Variants in SRRM2 observed in about 807,000 individuals in gnomAD.
SRRM2 encodes the protein serine/arginine repetitive matrix 2, also known as serine/arginine repetitive matrix protein 2.
In SRRM2, 30 loss-of-function variants were observed where a neutral mutation model predicts 213.8. The observed-to-expected ratio is 0.14, with a 90% CI of 0.10 to 0.19. The LOEUF (loss-of-function observed/expected upper bound fraction) is 0.19. Among genes scored for constraint, SRRM2 ranks in the 10% least tolerant of loss-of-function variants. The pLI is 1.00. For synonymous variants in SRRM2, 2,025 were observed against 1,377.7 expected, an observed-to-expected ratio of 1.47 and a Z score of -10.40; for missense variants, 4,904 against 3,647.0, an observed-to-expected ratio of 1.34 and a Z score of -8.88.
Position 2,769,013 on chromosome 16 carries a change from C to G in SRRM2, c.7750C>G (p.Pro2584Ala), listed in dbSNP as rs1053051813. Reference sequence around the variant, plus strand: ...CTCCCACAGGGTCCCCAGCCCCACCCCAGCCCCAAAGGAGGCTGTTCGAGA... The same window carrying G: ...CTCCCACAGGGTCCCCAGCCCCACCGCAGCCCCAAAGGAGGCTGTTCGAGA... ...VALKRVPSPT[P>A]APKEAVREGR... is the part of the protein sequence containing the mutation. The change falls in exon 12 of 15, where the codon CCA (proline) becomes GCA (alanine). Residue 2584 changes from proline (P) to alanine (A), a missense_variant. Physicochemically the swap from Pro to Ala is conservative, Grantham distance 27 (BLOSUM62 -1). Coordinates refer to ENST00000301740, the MANE Select transcript of SRRM2 (RefSeq NM_016333.4). 3.7e-6 allele frequency: 6 copies of G among 1,613,794 alleles called. No homozygotes were observed. In the African/African-American group the frequency reaches 6.7e-5, roughly 18 times the overall value.
Position 2,763,053 on chromosome 16 carries a change from C to T in SRRM2, c.2525C>T (p.Pro842Leu), listed in dbSNP as rs148934780. 1.2e-5 allele frequency: 19 copies of T among 1,614,124 alleles called. No homozygotes were observed. Among genetic ancestry groups the T allele is most frequent in the Non-Finnish European group, 1.6e-5 (19 of 1,180,020 alleles). ...AGTCATTCCAGTTCATCTCCTCATC[C>T]TAAAGTGAAATCTGGAACACCACCG... ...RQSHSSSSPHPKVKSGTPPRQ... is the reference protein window; with the variant it reads ...RQSHSSSSPHLKVKSGTPPRQ... The change falls in exon 11 of 15, where the codon CCT (proline) becomes CTT (leucine). Residue 842 changes from proline (P) to leucine (L), a missense_variant. Pro to Leu is a moderately conservative substitution (Grantham distance 98). Transcript: ENST00000301740.
At position 2,769,052 on chromosome 16, in the gene SRRM2, G is replaced by A. The variant is rs1596294749; in HGVS notation, c.7789G>A (p.Glu2597Lys). ...KEAVREGRPPEPTPAKRKRRS... is the reference protein window; with the variant it reads ...KEAVREGRPPKPTPAKRKRRS... ...GGCTGTTCGAGAGGGACGTCCTCCG[G>A]AGCCAACCCCAGCCAAACGGAAGAG... is the stretch of plus-strand genomic sequence containing the variant. Residue 2597 changes from glutamate (E) to lysine (K), a missense_variant, in exon 12 of 15, where the codon GAG becomes AAG. Physicochemically the swap from Glu to Lys is moderately conservative, Grantham distance 56. Coordinates refer to ENST00000301740, the MANE Select transcript of SRRM2 (RefSeq NM_016333.4). The A allele has an allele frequency of 1.9e-6, 3 of 1,614,068 alleles. No homozygotes were observed. Among genetic ancestry groups the A allele is most frequent in the Non-Finnish European group, 2.5e-6 (3 of 1,180,012 alleles).
chr16:2,763,861 A>C lies in SRRM2; in HGVS notation c.3333A>C (p.Arg1111Ser). Residue 1111 changes from arginine to serine, a missense_variant, in exon 11 of 15, where the codon AGA becomes AGC. By Grantham distance (110) the Arg-to-Ser change is moderately radical. Transcript: ENST00000301740. ...CTCCAGTCACTGAGCTGGCATCCAGATCTCCAATAAGACAAGATAGAGGTG... is the reference window on the plus strand; with the variant it reads ...CTCCAGTCACTGAGCTGGCATCCAGCTCTCCAATAAGACAAGATAGAGGTG... ...SSSPVTELAS[R>S]SPIRQDRGEF... is the part of the protein sequence containing the mutation. 1 of 1,614,206 alleles carries C rather than the reference A, an allele frequency of 6.2e-7. No homozygotes were observed. Among genetic ancestry groups the C allele is most frequent in the African/African-American group, 1.3e-5 (1 of 75,048 alleles).
intron 1 of SRRM2, among the ~76,000 whole-genome samples, chr16:2,753,165 G>C (rs1459190424): frequency 6.6e-6 from 1 of 151,892 alleles, no homozygotes; most frequent in Non-Finnish European, 1.5e-5. Flanking sequence ...TGCCGCCGAG[G>C]TGGCCTTCCT....
chr16:2,767,782 G>A lies in SRRM2; in HGVS notation c.7254G>A (p.Arg2418=), dbSNP rs768706982. The A allele has an allele frequency of 6.2e-7, 1 of 1,613,904 alleles. No individual in the cohort carries two copies. The highest frequency in any genetic ancestry group is 1.7e-5 in the Admixed American group (1 of 59,980). The change falls in exon 11 of 15, where the codon AGG becomes AGA. Residue 2418 remains arginine, a synonymous_variant. Coordinates refer to ENST00000301740, the MANE Select transcript of SRRM2 (RefSeq NM_016333.4). ...RTPPSAPSQS[R]MTSERAPSPS... Reference sequence around the variant, plus strand: ...CACCGTCTGCCCCAAGCCAATCTAGGATGACCTCTGAACGGGCTCCCTCCC... The same window carrying A: ...CACCGTCTGCCCCAAGCCAATCTAGAATGACCTCTGAACGGGCTCCCTCCC...
At position 2,766,385 on chromosome 16, in the gene SRRM2, G is replaced by A. The variant is rs770768692; in HGVS notation, c.5857G>A (p.Val1953Met). The A allele has an allele frequency of 8.7e-6, 14 of 1,613,088 alleles. No homozygotes were observed. The African/African-American group carries it at 1.7e-4, about 20-fold the overall frequency. The change falls in exon 11 of 15, where the codon GTG (valine) becomes ATG (methionine). Residue 1953 changes from valine (V) to methionine (M), a missense_variant. Physicochemically the swap from Val to Met is conservative, Grantham distance 21. Transcript: ENST00000301740. This position sits in a 1 kb window ranked among gnomAD's most constrained non-coding sequence, Gnocchi z 7.0. ...RRRSRSRTPP[V>M]TRRRSRSRTP... is the part of the protein sequence containing the mutation. ...CCGCTCCCGTTCTAGAACTCCACCA[G>A]TGACTCGCAGAAGGTCCAGATCCAG... is the stretch of plus-strand genomic sequence containing the variant.
chr16:2,758,374 T>A (rs1055103548), intron 4 of SRRM2, 96 bp from the exon 5 acceptor site: 5 of 1,157,180 alleles, frequency 4.3e-6, no homozygotes, highest in East Asian at 4.7e-5. Flanking sequence ...CTTATTTTTT[T>A]ATTTTTATTA....
rs1490100294 is a variant in SRRM2, at chr16:2,752,710, C to G, written c.-168C>G. On this transcript the variant is annotated 5_prime_UTR_variant, in exon 1 of 15. Transcript: ENST00000301740. ...GAGCCCGTTGCGGCCCCTGAGGAAG[C>G]GAGGAGGCGTCGGCGTCGGCTGAGG... 2 of 349,922 alleles carry G rather than the reference C, an allele frequency of 5.7e-6. No individual in the cohort carries two copies. The highest frequency in any genetic ancestry group is 7.4e-5 in the Admixed American group (2 of 27,088). 21.7% of individuals were successfully genotyped at this position (349,922 alleles called of 1,614,324 possible). A position where few individuals can be genotyped will look rare whatever the true frequency, so the allele number is the denominator to read the frequency against.
At position 2,758,595 on chromosome 16, in the gene SRRM2, G is replaced by C. The variant is rs376279962; in HGVS notation, c.593+48G>C. On this transcript the variant is annotated intron_variant, in intron 5 of 14. Transcript: ENST00000301740. ...CTGATAGCCAGAGGACCAATCCTGT[G>C]GTGTACCTTTCTCTCTGGAAGTGGA... 17 of 1,549,934 alleles carry C rather than the reference G, an allele frequency of 1.1e-5. No homozygotes were observed. In the African/African-American group the frequency reaches 2.0e-4, roughly 19 times the overall value.
Position 2,767,118 on chromosome 16 carries a change from C to T in SRRM2, c.6590C>T (p.Pro2197Leu), listed in dbSNP as rs147987022. ...AISLGTARPP[P>L]SMSAAGLAAR... Reference sequence around the variant, plus strand: ...AGTCTTGGCACCGCTCGGCCTCCTCCGTCCATGTCTGCTGCTGGCCTTGCT... The same window carrying T: ...AGTCTTGGCACCGCTCGGCCTCCTCTGTCCATGTCTGCTGCTGGCCTTGCT... The change falls in exon 11 of 15, where the codon CCG (proline) becomes CTG (leucine). Residue 2197 changes from proline to leucine, a missense_variant. Transcript: ENST00000301740. 111 of 1,614,086 alleles carry T rather than the reference C, an allele frequency of 6.9e-5. No homozygotes were observed. Among genetic ancestry groups the T allele is most frequent in the South Asian group, 4.3e-4 (39 of 91,084 alleles).
Position 2,764,976 on chromosome 16 carries a change from C to T in SRRM2, c.4448C>T (p.Ser1483Phe), listed in dbSNP as rs1177903883. 1 of 1,613,944 alleles carries T rather than the reference C, an allele frequency of 6.2e-7. No homozygotes were observed. The highest frequency in any genetic ancestry group is 1.3e-5 in the African/African-American group (1 of 74,874). The change falls in exon 11 of 15, where the codon TCC becomes TTC. Residue 1483 changes from serine to phenylalanine, a missense_variant. By Grantham distance (155) the Ser-to-Phe change is radical (BLOSUM62 -2). Coordinates refer to ENST00000301740, the MANE Select transcript of SRRM2 (RefSeq NM_016333.4). The stretch of plus-strand genomic sequence containing the variant: ...AGAGGGAGAAGCGAATGTGATTCTT[C>T]CCCAGAACCGAAAGCTTTGCCTCAG... ...PSRGRSECDS[S>F]PEPKALPQTP...
At position 2,763,601 on chromosome 16, in the gene SRRM2, C is replaced by T. The variant is rs773610530; in HGVS notation, c.3073C>T (p.Leu1025=). The T allele has an allele frequency of 6.2e-7, 1 of 1,614,152 alleles. No individual in the cohort carries two copies. Among genetic ancestry groups the T allele is most frequent in the South Asian group, 1.1e-5 (1 of 91,086 alleles). The change falls in exon 11 of 15, where the codon CTA becomes TTA. Residue 1025 remains leucine (L), a synonymous_variant. Coordinates refer to ENST00000301740, the MANE Select transcript of SRRM2 (RefSeq NM_016333.4). The part of the protein sequence containing the change: ...PCPQEKSKDS[L]VQSCPGSLSL... Reference sequence around the variant, plus strand: ...TCCCCAAGAGAAGTCTAAAGACTCACTAGTTCAAAGTTGCCCTGGATCCCT... The same window carrying T: ...TCCCCAAGAGAAGTCTAAAGACTCATTAGTTCAAAGTTGCCCTGGATCCCT...
intron 1 of SRRM2, among the ~76,000 whole-genome samples, chr16:2,755,081 C>T (rs1444613532): frequency 6.6e-6 from 1 of 152,058 alleles, no homozygotes; most frequent in South Asian, 2.1e-4. Context: ...AGGGTTTTTT[C>T]TTAGTAGTAT....
In SRRM2 at chr16:2,756,348, C is replaced by A. The variant is rs774864804; in HGVS notation, c.-17C>A. The A allele has an allele frequency of 4.9e-5, 78 of 1,586,434 alleles. 1 individual carries two copies. The East Asian group carries it at 1.7e-3, about 34-fold the overall frequency. ...CTCCCCCTCAGGAGCGGTGGTGCCC[C>A]CCCCGGGCACGGGGCCATGTACAAC... On this transcript the variant is annotated 5_prime_UTR_variant, in exon 2 of 15. Transcript: ENST00000301740.
At chr16:2,754,821 A>G (rs1315253097) in intron 1 of SRRM2, among the ~76,000 whole-genome samples, 3 of 152,184 alleles carry the variant, frequency 2.0e-5, no homozygotes, top group Admixed American at 6.5e-5. Flanking sequence ...TTTTTGAGCC[A>G]TACAGTTTTT....
At chr16:2,760,071 A>T in intron 9 of SRRM2, 1 of 580,422 alleles carries the variant, frequency 1.7e-6, no homozygotes, top group African/African-American at 1.9e-5. Context: ...TGTTTGGGGG[A>T]GGTGAGTAAA....
At chr16:2,755,173 A>G (rs1044360819) in intron 1 of SRRM2, among the ~76,000 whole-genome samples, 3 of 152,218 alleles carry the variant, frequency 2.0e-5, no homozygotes, top group Non-Finnish European at 4.4e-5. Flanking sequence ...GGAGAAAGGA[A>G]TAGAGTATGT....
chr16:2,760,218 G>A, intron 9 of SRRM2, 83 bp from the exon 10 acceptor site: 1 of 1,366,696 alleles, frequency 7.3e-7, no homozygotes, highest in Non-Finnish European at 1.0e-6. Context: ...TAGGAAAGGT[G>A]GATGGGAGTT....
Position 2,765,911 on chromosome 16 carries a change from C to A in SRRM2, c.5383C>A (p.Gln1795Lys), listed in dbSNP as rs768198739. 1 of 1,614,068 alleles carries A rather than the reference C, an allele frequency of 6.2e-7. No homozygotes were observed. Among genetic ancestry groups the A allele is most frequent in the African/African-American group, 1.3e-5 (1 of 74,918 alleles). ...ACGTCGAGATAGGTCTGGATCTTCTCAGTCAACCTCTCGGCGAAGACAGCG... is the reference window on the plus strand; with the variant it reads ...ACGTCGAGATAGGTCTGGATCTTCTAAGTCAACCTCTCGGCGAAGACAGCG... ...TRRRDRSGSS[Q>K]STSRRRQRSR... Residue 1795 changes from glutamine (Q) to lysine (K), a missense_variant, in exon 11 of 15, where the codon CAG (glutamine) becomes AAG (lysine). By Grantham distance (53) the Gln-to-Lys change is moderately conservative (BLOSUM62 1). Transcript: ENST00000301740.
Sources: allele counts gnomAD v4.1 joint callset (sites outside exome capture counted in the v4.1 genomes callset), GRCh38; gene constraint gnomAD v4.1.1; non-coding constraint Gnocchi (gnomAD v3.1); transcripts MANE v1.5; gene names NCBI Gene and HGNC (gene_info 2026-07-23, HGNC 2026-07-21).